The following ARHGEF10 variants were observed in gnomAD, a reference collection of about 807,000 sequenced individuals.
ARHGEF10 encodes Rho guanine nucleotide exchange factor (GEF) 10.
Under a neutral mutation model 147.4 loss-of-function variants are expected in ARHGEF10, and 140 were observed. That is an observed-to-expected ratio of 0.95 (90% CI 0.83 to 1.09). ARHGEF10 has a LOEUF of 1.09. Among genes scored for constraint, ARHGEF10 ranks in the 50% least tolerant of loss-of-function variants. The pLI, the probability that ARHGEF10 is intolerant of heterozygous loss-of-function variation, is 0.00. For synonymous variants in ARHGEF10, 902 were observed against 695.8 expected, an observed-to-expected ratio of 1.30 and a Z score of -4.67; for missense variants, 2,222 against 1,752.7, an observed-to-expected ratio of 1.27 and a Z score of -4.78.
At chr8:1,887,536 T>G (rs1401815852) in intron 11 of ARHGEF10, among the ~76,000 whole-genome samples, 5 of 126,104 alleles carry the variant, frequency 4.0e-5, no homozygotes, top group Non-Finnish European at 1.7e-5. Context: ...GAGGGATACG[T>G]GAGGAAACAC....
At chr8:1,872,799 T>C (rs3824134) in intron 7 of ARHGEF10, among the ~76,000 whole-genome samples, 37,304 of 152,084 alleles carry the variant, frequency 0.25, 4,712 homozygotes, top group East Asian at 0.36. Context: ...TCCGCAAATA[T>C]GTTTTGGGCA....
At chr8:1,863,947 G>A (rs912913689) in intron 4 of ARHGEF10, among the ~76,000 whole-genome samples, 5 of 151,988 alleles carry the variant, frequency 3.3e-5, no homozygotes, top group Admixed American at 6.6e-5. Flanking sequence ...GTGCCAGGCG[G>A]ATGCCCCTTC....
At chr8:1,900,417 A>G (rs1810359661) in intron 15 of ARHGEF10, among the ~76,000 whole-genome samples, 1 of 152,104 alleles carries the variant, frequency 6.6e-6, no homozygotes, top group Non-Finnish European at 1.5e-5. Flanking sequence ...AGGTTTAGGG[A>G]AGCTGATGAT....
At chr8:1,851,055 G>A (rs575513130) in intron 2 of ARHGEF10, among the ~76,000 whole-genome samples, 7 of 152,308 alleles carry the variant, frequency 4.6e-5, no homozygotes, top group African/African-American at 7.2e-5. Context: ...GGTGACAGGC[G>A]GAGCACGGGA....
At chr8:1,832,195 C>G (rs1328012530) in intron 1 of ARHGEF10, among the ~76,000 whole-genome samples, 1 of 151,762 alleles carries the variant, frequency 6.6e-6, no homozygotes, top group African/African-American at 2.4e-5. Context: ...CTCCCAAGGG[C>G]TCCAAGGGAT....
chr8:1,882,483 CAA>C (rs781097575), intron 9 of ARHGEF10, 150 bp from the exon 10 acceptor site: 34 of 748,708 alleles, frequency 4.5e-5, no homozygotes, highest in Non-Finnish European at 7.6e-5. Flanking sequence ...TTCCAACAAA[CAA>C]AACCAAAACA....
chr8:1,926,368 C>A lies in ARHGEF10; in HGVS notation c.2611-9C>A. The A allele has an allele frequency of 6.2e-7, 1 of 1,611,278 alleles. No homozygotes were observed. On this transcript the variant is annotated splice_polypyrimidine_tract_variant and intron_variant, in intron 22 of 28. Coordinates refer to ENST00000349830, the MANE Select transcript of ARHGEF10 (RefSeq NM_014629.4). Reference sequence around the variant, plus strand: ...TTATATGTGAGCGTTTGATTTTATTCCATTTTAGATTGAATGTGCTGCTTA... The same window carrying A: ...TTATATGTGAGCGTTTGATTTTATTACATTTTAGATTGAATGTGCTGCTTA...
chr8:1,936,712 C>G (rs1216443645), intron 26 of ARHGEF10, among the ~76,000 whole-genome samples: 1 of 152,178 alleles, frequency 6.6e-6, no homozygotes, highest in Non-Finnish European at 1.5e-5. Flanking sequence ...ATCAGTTCCC[C>G]AGGTTAGGAA....
Position 1,841,727 on chromosome 8 carries a change from C to T in ARHGEF10, c.-47-1626C>T, listed in dbSNP as rs543087504. Among the ~76,000 whole-genome samples, 4 of 152,206 alleles carry T rather than the reference C, an allele frequency of 2.6e-5. No individual in the cohort carries two copies. The East Asian group carries it at 7.8e-4, about 30-fold the overall frequency. ...GTCGTGTTAACAGATGAGACAATCG[C>T]AGCTGCTGCTCGTGGGGAGCCCCAG... On this transcript the variant is annotated intron_variant, in intron 1 of 28. Coordinates refer to ENST00000349830, the MANE Select transcript of ARHGEF10 (RefSeq NM_014629.4).
At chr8:1,871,808 C>T (rs1807153512) in intron 7 of ARHGEF10, among the ~76,000 whole-genome samples, 3 of 152,126 alleles carry the variant, frequency 2.0e-5, no homozygotes, top group African/African-American at 7.2e-5. Flanking sequence ...CAGAGCGAGA[C>T]TCCCTCTGAA....
chr8:1,839,680 G>GTCTT (rs370299885), intron 1 of ARHGEF10, among the ~76,000 whole-genome samples: 1 of 132,698 alleles, frequency 7.5e-6, no homozygotes, highest in East Asian at 2.5e-4. Flanking sequence ...TGTGGAAACT[G>GTCTT]GTGTGGGGAC....
rs772914728 is a variant in ARHGEF10 at position 1,957,192 on chromosome 8, G to A, written c.3964G>A (p.Ala1322Thr). The A allele has an allele frequency of 6.2e-7, 1 of 1,612,388 alleles. No homozygotes were observed. The highest frequency in any genetic ancestry group is 8.5e-7 in the Non-Finnish European group (1 of 1,179,960). ...GQGHRRVHRK[A>T]RQPHQEELAP... ...GGGCCACCGCCGGGTGCACAGGAAG[G>A]CCCGGCAGCCCCACCAGGAAGAGCT... Residue 1322 changes from alanine to threonine, a missense_variant, in exon 29 of 29, where the codon GCC (alanine) becomes ACC (threonine). Transcript: ENST00000349830.
chr8:1,873,916 G>C (rs1340397768), intron 7 of ARHGEF10, among the ~76,000 whole-genome samples: 1 of 152,010 alleles, frequency 6.6e-6, no homozygotes, highest in Non-Finnish European at 1.5e-5. Context: ...GGTCAGTTCA[G>C]CACGTAGGAC....
chr8:1,826,190 T>C, intron 1 of ARHGEF10: 1 of 1,491,902 alleles, frequency 6.7e-7, no homozygotes. Context: ...TTGTAGACAG[T>C]TGGGGGTGAA....
intron 1 of ARHGEF10, among the ~76,000 whole-genome samples, chr8:1,830,596 C>A (rs1174932208): frequency 6.6e-6 from 1 of 152,226 alleles, no homozygotes; most frequent in East Asian, 1.9e-4. Flanking sequence ...TTCATGAATA[C>A]CGCTGCGTGC....
At chr8:1,907,087 G>C (rs567325167) in intron 17 of ARHGEF10, among the ~76,000 whole-genome samples, 37 of 152,212 alleles carry the variant, frequency 2.4e-4, no homozygotes, top group South Asian at 1.4e-3. Flanking sequence ...GAGTGAGGCC[G>C]TGGGAGGTCG....
At chr8:1,866,864 T>G (rs1806666337) in intron 6 of ARHGEF10, among the ~76,000 whole-genome samples, 1 of 152,120 alleles carries the variant, frequency 6.6e-6, no homozygotes, top group South Asian at 2.1e-4. Flanking sequence ...CAGGCTTTAT[T>G]ATTATGGTAA....
chr8:1,892,755 G>A (rs370652704), intron 11 of ARHGEF10, among the ~76,000 whole-genome samples: 1 of 152,058 alleles, frequency 6.6e-6, no homozygotes. Context: ...GTTCATATGC[G>A]GGAGTGCGCA....
chr8:1,910,586 G>C (rs1156624303), intron 18 of ARHGEF10, among the ~76,000 whole-genome samples: 2 of 152,174 alleles, frequency 1.3e-5, no homozygotes, highest in African/African-American at 4.8e-5. Flanking sequence ...GAGCTGTTCT[G>C]GGGGGTGGTA....
Sources: gnomAD v4.1 joint callset for allele counts (sites outside exome capture counted in the v4.1 genomes callset) on GRCh38, gnomAD v4.1.1 for gene constraint, MANE v1.5 for transcripts, NCBI Gene and HGNC (gene_info 2026-07-23, HGNC 2026-07-21) for gene names.